FAM107B: variants seen among roughly 807,000 people sequenced by gnomAD.
The protein encoded by FAM107B is family with sequence similarity 107 member B, also known as protein FAM107B.
A neutral mutation model predicts 31.5 loss-of-function variants in FAM107B; 21 were observed. The observed-to-expected ratio is 0.67, with a 90% CI of 0.47 to 0.96. The LOEUF (loss-of-function observed/expected upper bound fraction) is 0.96, where lower values mean the gene tolerates loss of function less well. FAM107B is among the 40% of genes least tolerant of loss of function. The probability of loss-of-function intolerance (pLI) is 0.00; values close to 1 mark genes in which losing one functional copy is unlikely to be tolerated. For synonymous variants in FAM107B, 157 were observed against 141.5 expected (o/e 1.11, Z -0.78); for missense variants, 452 against 377.1 (o/e 1.20, Z -1.64).
At chr10:14,557,037 C>A (rs1849767437) in intron 2 of FAM107B, among the ~76,000 whole-genome samples, 1 of 152,212 alleles carries the variant, frequency 6.6e-6, no homozygotes, top group East Asian at 1.9e-4. Context: ...ATGACCCTCC[C>A]AAGCCAGCCC....
At chr10:14,741,396 A>G (rs1400737990) in intron 1 of FAM107B, among the ~76,000 whole-genome samples, 1 of 152,190 alleles carries the variant, frequency 6.6e-6, no homozygotes, top group Admixed American at 6.5e-5. Flanking sequence ...AGGGCAAGAG[A>G]GGAGCCCCGT....
chr10:14,583,800 G>A (rs902055011), intron 2 of FAM107B, among the ~76,000 whole-genome samples: 1 of 152,134 alleles, frequency 6.6e-6, no homozygotes, highest in African/African-American at 2.4e-5. Context: ...TTCACCGGAA[G>A]AATCTTCTAT....
intron 1 of FAM107B, among the ~76,000 whole-genome samples, chr10:14,675,670 A>G (rs1048765324): frequency 6.6e-6 from 1 of 152,200 alleles, no homozygotes; most frequent in African/African-American, 2.4e-5. Context: ...ATTAGGAGCC[A>G]TATAACAAAG....
At chr10:14,590,195 G>A (rs1178930084) in intron 2 of FAM107B, among the ~76,000 whole-genome samples, 1 of 152,180 alleles carries the variant, frequency 6.6e-6, no homozygotes, top group African/African-American at 2.4e-5. Flanking sequence ...GCTTCTCCAA[G>A]CTCAAGACCT....
At chr10:14,754,370 C>T (rs536788064) in intron 1 of FAM107B, among the ~76,000 whole-genome samples, 15 of 152,280 alleles carry the variant, frequency 9.9e-5, no homozygotes, top group Admixed American at 4.6e-4. Flanking sequence ...GGAAAGACTT[C>T]GTCACTCCCA....
rs1270136191 is a variant in FAM107B, at chr10:14,530,411, GC to G, written c.573del (p.Arg191SerfsTer5). 1 of 1,614,038 alleles carries G rather than the reference GC, an allele frequency of 6.2e-7. No homozygotes were observed. Among genetic ancestry groups the G allele is most frequent in the Non-Finnish European group, 8.5e-7 (1 of 1,180,006 alleles). ...YIEDDNPELI[R>X]PQKLINPVKT... ...TTTACAGGATTGATCAGTTTCTGAG[GC>G]CTAATGAGTTCAGGATTGTCATCTT... On this transcript the variant is annotated frameshift_variant, in exon 3 of 5. Transcript: ENST00000181796. LOFTEE classifies it high-confidence loss of function.
rs546891931 is a variant in FAM107B, at chr10:14,566,650, C to A, written c.470-36135G>T. Among the ~76,000 whole-genome samples, 4 of 152,270 alleles carry A rather than the reference C, an allele frequency of 2.6e-5. No individual in the cohort carries two copies. The East Asian group carries it at 7.7e-4, about 29-fold the overall frequency. On this transcript the variant is annotated intron_variant, in intron 2 of 4. Transcript: ENST00000181796. ...CAGGTTGTTTATGATACTGAGTGTGCAATCATTTGCTGTGTAGCAGTAGGT... is the reference window on the plus strand; with the variant it reads ...CAGGTTGTTTATGATACTGAGTGTGAAATCATTTGCTGTGTAGCAGTAGGT...
chr10:14,600,922 C>T (rs143067927), intron 2 of FAM107B, among the ~76,000 whole-genome samples: 58 of 152,220 alleles, frequency 3.8e-4, no homozygotes, highest in South Asian at 2.9e-3. Flanking sequence ...ACCACAGGAG[C>T]GCGCTGCCAC....
At chr10:14,770,135 T>C (rs764560110) in intron 1 of FAM107B, among the ~76,000 whole-genome samples, 11 of 152,116 alleles carry the variant, frequency 7.2e-5, no homozygotes, top group Non-Finnish European at 1.5e-5. Flanking sequence ...CACTAGAACA[T>C]CAGCAACCTC....
intron 2 of FAM107B, among the ~76,000 whole-genome samples, chr10:14,531,556 AAG>A (rs1847008615): frequency 7.4e-6 from 1 of 134,262 alleles, no homozygotes; most frequent in African/African-American, 2.8e-5. Flanking sequence ...AAAAAAAAAA[AAG>A]AGGCTGGGCA....
At chr10:14,726,289 G>C (rs1430734115) in intron 1 of FAM107B, among the ~76,000 whole-genome samples, 1 of 152,172 alleles carries the variant, frequency 6.6e-6, no homozygotes, top group Non-Finnish European at 1.5e-5. Context: ...CACCGTGCCT[G>C]GCCAAAAGCA....
chr10:14,608,000 G>A (rs193117996), intron 2 of FAM107B, among the ~76,000 whole-genome samples: 18 of 151,038 alleles, frequency 1.2e-4, no homozygotes, highest in Admixed American at 1.1e-3. Context: ...AAGGAAAATC[G>A]AACAAAGCAG....
intron 2 of FAM107B, among the ~76,000 whole-genome samples, chr10:14,536,667 G>A (rs749430922): frequency 1.3e-5 from 2 of 152,194 alleles, no homozygotes; most frequent in Non-Finnish European, 2.9e-5. Context: ...CAACAGACAA[G>A]TGCCCAGGGG....
intron 2 of FAM107B, among the ~76,000 whole-genome samples, chr10:14,659,124 A>G (rs889614416): frequency 6.6e-6 from 1 of 152,134 alleles, no homozygotes; most frequent in African/African-American, 2.4e-5. Context: ...TTCCGTAATT[A>G]AAGGCCTCCC....
intron 1 of FAM107B, among the ~76,000 whole-genome samples, chr10:14,668,625 A>C (rs1443688590): frequency 6.6e-6 from 1 of 152,166 alleles, no homozygotes; most frequent in Non-Finnish European, 1.5e-5. Flanking sequence ...ATCCTTTTCT[A>C]ATTTTGCCTG....
chr10:14,772,939 G>A lies in FAM107B; in HGVS notation c.411+1314C>T, dbSNP rs146615672. ...TGCATTGCTCAACAGAAAGTCTTCCGGTTCATTAAAACTGTACATCATTGG... is the reference window on the plus strand; with the variant it reads ...TGCATTGCTCAACAGAAAGTCTTCCAGTTCATTAAAACTGTACATCATTGG... On this transcript the variant is annotated intron_variant, in intron 1 of 4. Transcript: ENST00000181796. Among the ~76,000 whole-genome samples, 363 of 152,184 alleles carry A rather than the reference G, an allele frequency of 2.4e-3. 3 individuals are homozygous for A. Among genetic ancestry groups the A allele is most frequent in the South Asian group, 0.017 (84 of 4,822 alleles).
chr10:14,680,427 A>G (rs1854803859), intron 1 of FAM107B, among the ~76,000 whole-genome samples: 2 of 152,024 alleles, frequency 1.3e-5, no homozygotes, highest in Non-Finnish European at 2.9e-5. Flanking sequence ...TACAAAAATT[A>G]GCCAGGTGTG....
At chr10:14,557,156 T>A (rs1244855886) in intron 2 of FAM107B, among the ~76,000 whole-genome samples, 1 of 152,236 alleles carries the variant, frequency 6.6e-6, no homozygotes, top group Non-Finnish European at 1.5e-5. Context: ...GTGGTCAGTC[T>A]CTGTCCTAAG....
chr10:14,518,600 T>C lies in FAM107B; in HGVS notation c.*2590A>G, dbSNP rs182185859. The C allele has an allele frequency of 4.6e-4, 70 of 152,810 alleles. No individual in the cohort carries two copies. Among genetic ancestry groups the C allele is most frequent in the Non-Finnish European group, 3.8e-4 (26 of 68,040 alleles). 9.5% of individuals were successfully genotyped at this position (152,810 alleles called of 1,614,324 possible). A position where few individuals can be genotyped will look rare whatever the true frequency, so the allele number is the denominator to read the frequency against. On this transcript the variant is annotated 3_prime_UTR_variant, in exon 5 of 5. Coordinates refer to ENST00000181796, the MANE Select transcript of FAM107B (RefSeq NM_031453.4). ...TGGTGATTTTTATTAAGAATAACTT[T>C]GGTTCTAAGAATTCCACCCTCAATT...
Sources: allele counts gnomAD v4.1 joint callset (sites outside exome capture counted in the v4.1 genomes callset), GRCh38; gene constraint gnomAD v4.1.1; transcripts MANE v1.5; gene names NCBI Gene and HGNC (gene_info 2026-07-23, HGNC 2026-07-21).